NAT1: variants seen among roughly 807,000 people sequenced by gnomAD.
NAT1 encodes the protein N-acetyltransferase 1.
For synonymous variants in NAT1, 144 were observed against 122.6 expected (o/e 1.17, Z -1.16); for missense variants, 400 against 339.2 (o/e 1.18, Z -1.41).
chr8:18,206,962 A>G (rs1803751389), upstream of NAT1, among the ~76,000 whole-genome samples: 1 of 152,098 alleles, frequency 6.6e-6, no homozygotes, highest in South Asian at 2.1e-4. Context: ...TATTTCCTGA[A>G]TAGTGTTGCC....
At chr8:18,187,516 C>T (rs757953701) in intron 2 of NAT1, among the ~76,000 whole-genome samples, 8 of 152,072 alleles carry the variant, frequency 5.3e-5, no homozygotes, top group African/African-American at 1.9e-4. Flanking sequence ...TGGAATACTA[C>T]GCAGCCATAA....
chr8:18,193,158 A>T (rs1158535470), intron 2 of NAT1, among the ~76,000 whole-genome samples: 4 of 132,316 alleles, frequency 3.0e-5, no homozygotes, highest in African/African-American at 1.2e-4. Context: ...GGCTCACTGT[A>T]GCCTTGACCT....
intron 2 of NAT1, among the ~76,000 whole-genome samples, chr8:18,190,848 C>G (rs939530447): frequency 3.3e-5 from 5 of 152,154 alleles, no homozygotes; most frequent in Non-Finnish European, 5.9e-5. Flanking sequence ...GGGTGGATAA[C>G]CTGAGATCAG....
At chr8:18,220,442 A>C (rs1027979804) in intron 2 of NAT1, among the ~76,000 whole-genome samples, 1 of 152,210 alleles carries the variant, frequency 6.6e-6, no homozygotes, top group Non-Finnish European at 1.5e-5. Context: ...CCACATACAA[A>C]AGAGTTATAC....
Position 18,222,845 on chromosome 8 carries a change from G to T in NAT1, c.798G>T (p.Val266=). 6.2e-7 allele frequency: 1 copy of T among 1,601,614 alleles called. No individual in the cohort carries two copies. Among genetic ancestry groups the T allele is most frequent in the Non-Finnish European group, 8.5e-7 (1 of 1,176,472 alleles). ...TGAGTGAGGAAGAAATAGAAAAAGT[G>T]CTGAAAAATATATTTAATATTTCCT... ...KTLSEEEIEK[V]LKNIFNISLQ... The change falls in exon 3 of 3, where the codon GTG becomes GTT. Residue 266 remains valine (V), a synonymous_variant. Coordinates refer to ENST00000307719, the MANE Select transcript of NAT1 (RefSeq NM_000662.8).
rs554641620 is a variant in NAT1, at chr8:18,212,840, C to A, written c.-86+2660C>A. On this transcript the variant is annotated intron_variant, in intron 1 of 2. Transcript: ENST00000307719. ...CTCAATCCTTGCCAGCCAGCCCCGT[C>A]TTCCCTCTTAGGTACCCTGAGCAGG... is the stretch of plus-strand genomic sequence containing the variant. 4 of 152,574 alleles carry A rather than the reference C, an allele frequency of 2.6e-5. No homozygotes were observed. The East Asian group carries it at 5.8e-4, about 22-fold the overall frequency. The allele number at this position is 152,574 out of a possible 1,614,324, so 9.5% of individuals were successfully genotyped here.
chr8:18,210,998 T>C (rs1804045955), intron 1 of NAT1, among the ~76,000 whole-genome samples: 1 of 151,966 alleles, frequency 6.6e-6, no homozygotes. Context: ...AGCGATGGGG[T>C]TTCACCGTCT....
chr8:18,183,387 A>C (rs1323803605), intron 2 of NAT1, among the ~76,000 whole-genome samples: 1 of 152,312 alleles, frequency 6.6e-6, no homozygotes, highest in Non-Finnish European at 1.5e-5. Flanking sequence ...ACGTCCTCGC[A>C]TATAAAATAC....
chr8:18,199,770 G>C (rs1054686874), intron 2 of NAT1, among the ~76,000 whole-genome samples: 3 of 152,088 alleles, frequency 2.0e-5, no homozygotes, highest in African/African-American at 7.2e-5. Flanking sequence ...TTACAGCTGG[G>C]GGCTACTCGT....
chr8:18,219,908 C>T (rs778656304), intron 2 of NAT1, among the ~76,000 whole-genome samples: 4 of 150,058 alleles, frequency 2.7e-5, no homozygotes, highest in Non-Finnish European at 4.4e-5. Context: ...GTACAAGAGG[C>T]AAAAAAAGAA....
intron 1 of NAT1, among the ~76,000 whole-genome samples, chr8:18,211,694 C>T (rs1416844071): frequency 6.6e-6 from 1 of 152,138 alleles, no homozygotes; most frequent in African/African-American, 2.4e-5. Flanking sequence ...CCAGCAACCC[C>T]TTTTCATCCA....
At chr8:18,190,286 T>C (rs1204519028) in intron 2 of NAT1, among the ~76,000 whole-genome samples, 5 of 152,212 alleles carry the variant, frequency 3.3e-5, no homozygotes, top group African/African-American at 4.8e-5. Context: ...TGTTCACTCC[T>C]GTGTGAAAGT....
chr8:18,213,714 T>TA (rs1373329097), intron 1 of NAT1, among the ~76,000 whole-genome samples: 1 of 152,172 alleles, frequency 6.6e-6, no homozygotes, highest in African/African-American at 2.4e-5. Context: ...ATGTTATACC[T>TA]AAAAAATTAT....
chr8:18,200,812 A>T (rs1803429241), intron 2 of NAT1: 2 of 152,064 alleles, frequency 1.3e-5, no homozygotes, highest in Non-Finnish European at 1.5e-5. Context: ...ATCCAGCCCC[A>T]TTCACCTAGG....
At chr8:18,208,226 C>G (rs1409254646), upstream of NAT1, among the ~76,000 whole-genome samples, 1 of 152,050 alleles carries the variant, frequency 6.6e-6, no homozygotes, top group South Asian at 2.1e-4. Context: ...CACCATGGCA[C>G]ACATTGACCT....
chr8:18,220,493 G>T (rs1805169360), intron 2 of NAT1, among the ~76,000 whole-genome samples: 1 of 152,044 alleles, frequency 6.6e-6, no homozygotes, highest in Non-Finnish European at 1.5e-5. Context: ...AGTCTCAAAA[G>T]GTTAAGGCTC....
intron 2 of NAT1, among the ~76,000 whole-genome samples, chr8:18,198,566 A>G (rs1412536156): frequency 6.6e-6 from 1 of 152,242 alleles, no homozygotes; most frequent in East Asian, 1.9e-4. Flanking sequence ...GTGTCAGTTA[A>G]GTGTCATTGC....
At chr8:18,202,678 G>C (rs1803515211) in intron 2 of NAT1, among the ~76,000 whole-genome samples, 1 of 152,106 alleles carries the variant, frequency 6.6e-6, no homozygotes, top group African/African-American at 2.4e-5. Context: ...TGTCCCTCCT[G>C]GTGGGTTCGT....
At chr8:18,180,026 A>G (rs1802450420) in intron 2 of NAT1, among the ~76,000 whole-genome samples, 1 of 152,176 alleles carries the variant, frequency 6.6e-6, no homozygotes, top group Non-Finnish European at 1.5e-5. Flanking sequence ...AGGAGGGAGT[A>G]TGCTATGCAG....
Sources: gnomAD v4.1 joint callset for allele counts (sites outside exome capture counted in the v4.1 genomes callset) on GRCh38, gnomAD v4.1.1 for gene constraint, MANE v1.5 for transcripts, NCBI Gene and HGNC (gene_info 2026-07-23, HGNC 2026-07-21) for gene names.